YTHDC1: variants seen among roughly 807,000 people sequenced by gnomAD.
YTHDC1 encodes the protein YTH domain-containing protein 1.
YTHDC1 carries 12 observed loss-of-function variants against 107.0 expected under a neutral mutation model. The observed-to-expected ratio is 0.11, with a 90% CI of 0.07 to 0.18. The LOEUF is 0.18. YTHDC1 is among the 10% of genes least tolerant of loss of function. The pLI, the probability that YTHDC1 is intolerant of heterozygous loss-of-function variation, is 1.00. For missense variants in YTHDC1, 635 were observed against 898.8 expected (o/e 0.71, Z 3.75); for synonymous variants, 280 against 289.5 (o/e 0.97, Z 0.33).
intron 1 of YTHDC1, among the ~76,000 whole-genome samples, chr4:68,344,480 G>A (rs1464499249): frequency 6.6e-6 from 1 of 152,180 alleles, no homozygotes; most frequent in Non-Finnish European, 1.5e-5. Flanking sequence ...ACAGTTGCAA[G>A]CACTGTGTTG....
rs758368578 is a variant in YTHDC1 at position 68,324,221 on chromosome 4, C to T, written c.1352G>A (p.Arg451His). ...AGCCGACTTAGTGAAGGGTAATTCACGCCTAAATACAAAGTAATATCAATT... is the reference window on the plus strand; with the variant it reads ...AGCCGACTTAGTGAAGGGTAATTCATGCCTAAATACAAAGTAATATCAATT... ...GVFKIDWICRRELPFTKSAHL... is the reference protein window; with the variant it reads ...GVFKIDWICRHELPFTKSAHL... The change falls in exon 10 of 17, where the codon CGT becomes CAT. Residue 451 changes from arginine (R) to histidine (H), a missense_variant and splice_region_variant. By Grantham distance (29) the Arg-to-His change is conservative (BLOSUM62 0). Coordinates refer to ENST00000344157, the MANE Select transcript of YTHDC1 (RefSeq NM_001031732.4). 25 of 1,611,706 alleles carry T rather than the reference C, an allele frequency of 1.6e-5. No homozygotes were observed. The highest frequency in any genetic ancestry group is 3.3e-5 in the South Asian group (3 of 90,974).
At chr4:68,331,118 TTAAATCACCTCTAGAA>T (rs1276979230) in intron 7 of YTHDC1, among the ~76,000 whole-genome samples, 3 of 152,148 alleles carry the variant, frequency 2.0e-5, no homozygotes, top group Non-Finnish European at 4.4e-5. Flanking sequence ...CCCATATACT[TTAAATCACCTCTAGAA>T]TACTTATACC....
chr4:68,344,147 G>A (rs1303706033), intron 1 of YTHDC1: 1 of 151,632 alleles, frequency 6.6e-6, no homozygotes, highest in African/African-American at 2.4e-5. Flanking sequence ...TTTGTATCTG[G>A]TGAATGAGTT....
chr4:68,313,834 A>C lies in YTHDC1; in HGVS notation c.*265T>G. On this transcript the variant is annotated 3_prime_UTR_variant, in exon 17 of 17. Transcript: ENST00000344157. ...ACTATAAGAACATTTATGGAGAAAG[A>C]ATCAGTATCTACATTCTTGGACTGT... 6.3e-6 allele frequency: 3 copies of C among 474,496 alleles called. No individual in the cohort carries two copies. Among genetic ancestry groups the C allele is most frequent in the Non-Finnish European group, 1.1e-5 (3 of 268,744 alleles). The allele number at this position is 474,496 out of a possible 1,614,324, so 29.4% of individuals were successfully genotyped here. A position where few individuals can be genotyped will look rare whatever the true frequency, so the allele number is the denominator to read the frequency against.
At chr4:68,332,567 C>A (rs1161678019) in intron 6 of YTHDC1, among the ~76,000 whole-genome samples, 1 of 151,828 alleles carries the variant, frequency 6.6e-6, no homozygotes, top group African/African-American at 2.4e-5. Context: ...CACACACACC[C>A]ATCCCATTTT....
chr4:68,331,001 CT>C (rs1176001278), intron 7 of YTHDC1, among the ~76,000 whole-genome samples: 1 of 152,124 alleles, frequency 6.6e-6, no homozygotes, highest in East Asian at 1.9e-4. Flanking sequence ...GTTCCTCAGT[CT>C]CCACTGGGGA....
chr4:68,325,857 C>T (rs938429752), intron 9 of YTHDC1, among the ~76,000 whole-genome samples: 1 of 152,038 alleles, frequency 6.6e-6, no homozygotes, highest in African/African-American at 2.4e-5. Context: ...CACTAAGTAT[C>T]ACTTAAAAGC....
chr4:68,332,517 A>G (rs542533911), intron 6 of YTHDC1, among the ~76,000 whole-genome samples: 1 of 152,064 alleles, frequency 6.6e-6, no homozygotes, highest in East Asian at 1.9e-4. Flanking sequence ...ACATACATAT[A>G]TATACACACA....
At chr4:68,329,199 T>G (rs1723314755) in intron 9 of YTHDC1, among the ~76,000 whole-genome samples, 1 of 152,080 alleles carries the variant, frequency 6.6e-6, no homozygotes, top group South Asian at 2.1e-4. Context: ...TAAAAAAAGG[T>G]AGCTCCCTAT....
At chr4:68,327,795 G>C (rs1353504741) in intron 9 of YTHDC1, among the ~76,000 whole-genome samples, 1 of 152,090 alleles carries the variant, frequency 6.6e-6, no homozygotes, top group Non-Finnish European at 1.5e-5. Flanking sequence ...GAGTTCAAGT[G>C]ACTTATCTAA....
At chr4:68,348,379 T>C (rs1725679783) in intron 1 of YTHDC1, among the ~76,000 whole-genome samples, 3 of 151,718 alleles carry the variant, frequency 2.0e-5, no homozygotes, top group Admixed American at 2.0e-4. Flanking sequence ...CTAATTAAGA[T>C]CATGTATTTT....
intron 1 of YTHDC1, among the ~76,000 whole-genome samples, chr4:68,347,692 T>A (rs1725602915): frequency 6.6e-6 from 1 of 152,174 alleles, no homozygotes; most frequent in Non-Finnish European, 1.5e-5. Flanking sequence ...ATGACTGAGA[T>A]TTTTAGAGGG....
At chr4:68,338,153 TTTA>T (rs1348132343) in intron 2 of YTHDC1, 127 bp downstream of exon 2, 27 of 1,281,870 alleles carry the variant, frequency 2.1e-5, no homozygotes, top group Admixed American at 2.9e-5. Flanking sequence ...TGGATACCAG[TTTA>T]TTATGTACAT....
intron 7 of YTHDC1, among the ~76,000 whole-genome samples, chr4:68,330,799 A>G (rs1313011837): frequency 1.3e-5 from 2 of 151,016 alleles, no homozygotes; most frequent in Non-Finnish European, 2.9e-5. Context: ...ATTTTTATGT[A>G]TCAATAGTTT....
At chr4:68,336,421 G>C (rs1003569470) in intron 4 of YTHDC1, among the ~76,000 whole-genome samples, 6 of 152,106 alleles carry the variant, frequency 3.9e-5, no homozygotes, top group African/African-American at 1.4e-4. Flanking sequence ...ATATAGCATT[G>C]AAGAAATGAC....
chr4:68,338,041 C>T (rs1028265345), intron 2 of YTHDC1, 141 bp from the exon 3 acceptor site: 5 of 1,456,496 alleles, frequency 3.4e-6, no homozygotes, highest in Admixed American at 2.9e-5. Context: ...ATTTCTTCTC[C>T]AGAGTTAATC....
intron 5 of YTHDC1, among the ~76,000 whole-genome samples, 162 bp downstream of exon 5, chr4:68,333,142 AAAAT>A (rs2109717358): frequency 6.6e-6 from 1 of 152,300 alleles, no homozygotes; most frequent in African/African-American, 2.4e-5. Context: ...GAACAGGATT[AAAAT>A]AATAAGAAAA....
intron 8 of YTHDC1, 24 bp downstream of exon 8, chr4:68,330,178 T>G (rs748369229): frequency 6.4e-7 from 1 of 1,574,318 alleles, no homozygotes; most frequent in Admixed American, 1.8e-5. Flanking sequence ...TGTTTTTATA[T>G]GTCCAAATTA....
At chr4:68,317,636 A>G (rs1444831811) in intron 15 of YTHDC1, among the ~76,000 whole-genome samples, 1 of 152,236 alleles carries the variant, frequency 6.6e-6, no homozygotes, top group Non-Finnish European at 1.5e-5. Flanking sequence ...GGTTTAATTA[A>G]TCTTATTTTA....
Sources: allele counts gnomAD v4.1 joint callset (sites outside exome capture counted in the v4.1 genomes callset), GRCh38; gene constraint gnomAD v4.1.1; transcripts MANE v1.5; gene names NCBI Gene and HGNC (gene_info 2026-07-23, HGNC 2026-07-21).